The following ATE1 variants were observed in gnomAD, a reference collection of about 807,000 sequenced individuals.
ATE1 encodes the protein arginyltransferase 1.
In ATE1, 36 loss-of-function variants were observed where a neutral mutation model predicts 70.5. The ratio of observed to expected loss-of-function variants is 0.51; its 90% CI spans 0.39 to 0.67. ATE1 has a LOEUF of 0.67. ATE1 is among the 30% of genes least tolerant of loss of function. The pLI, the probability that ATE1 is intolerant of heterozygous loss-of-function variation, is 0.00. For synonymous variants in ATE1, 232 were observed against 219.3 expected (o/e 1.06, Z -0.51); for missense variants, 593 against 629.5 (o/e 0.94, Z 0.62).
chr10:121,871,774 G>A (rs1034059298), intron 7 of ATE1, among the ~76,000 whole-genome samples: 1 of 151,952 alleles, frequency 6.6e-6, no homozygotes, highest in Non-Finnish European at 1.5e-5. Context: ...CAAACAGTAA[G>A]AATTTTTTCT....
intron 3 of ATE1, among the ~76,000 whole-genome samples, chr10:121,917,174 A>G (rs1951694682): frequency 6.6e-6 from 1 of 152,086 alleles, no homozygotes; most frequent in Non-Finnish European, 1.5e-5. Flanking sequence ...AAAAAAAAAA[A>G]TAGCCCAGGC....
At chr10:121,867,878 T>C (rs1445565369) in intron 8 of ATE1, among the ~76,000 whole-genome samples, 2 of 152,248 alleles carry the variant, frequency 1.3e-5, no homozygotes, top group Non-Finnish European at 2.9e-5. Flanking sequence ...TGTCATAATT[T>C]ATTTGACGTG....
chr10:121,897,435 C>G (rs899146229), intron 7 of ATE1, among the ~76,000 whole-genome samples: 5 of 152,166 alleles, frequency 3.3e-5, no homozygotes, highest in African/African-American at 1.2e-4. Flanking sequence ...TTACTATCTG[C>G]AAATGCTATC....
chr10:121,777,973 T>C (rs1188950328), intron 11 of ATE1, among the ~76,000 whole-genome samples: 4 of 152,236 alleles, frequency 2.6e-5, no homozygotes, highest in African/African-American at 9.6e-5. Context: ...TTGCAAGACT[T>C]ATACATTGAA....
chr10:121,823,126 T>TA (rs1001183559), intron 10 of ATE1, among the ~76,000 whole-genome samples: 1 of 151,878 alleles, frequency 6.6e-6, no homozygotes, highest in African/African-American at 2.4e-5. Context: ...CCATCTCTAC[T>TA]AAAAATACAA....
intron 8 of ATE1, among the ~76,000 whole-genome samples, chr10:121,846,139 A>AAAC (rs1564889572): frequency 1.4e-5 from 2 of 146,992 alleles, no homozygotes; most frequent in Non-Finnish European, 3.0e-5. Flanking sequence ...AAAAAAAAAA[A>AAAC]ACCCAAAACC....
chr10:121,757,002 T>C (rs1432732255), intron 11 of ATE1, among the ~76,000 whole-genome samples: 1 of 152,212 alleles, frequency 6.6e-6, no homozygotes, highest in African/African-American at 2.4e-5. Flanking sequence ...CTGCAAATTT[T>C]CCAAACTTTT....
At chr10:121,861,388 G>A (rs17102691) in intron 8 of ATE1, among the ~76,000 whole-genome samples, 4,997 of 151,856 alleles carry the variant, frequency 0.033, 149 homozygotes, top group African/African-American at 0.082. Flanking sequence ...ACTTCCAGTT[G>A]ATATCATGAG....
At chr10:121,776,496 G>A (rs61512341) in intron 11 of ATE1, among the ~76,000 whole-genome samples, 165 of 152,240 alleles carry the variant, frequency 1.1e-3, no homozygotes, top group African/African-American at 3.7e-3. Flanking sequence ...TACCACTGCC[G>A]TATCACTAAA....
chr10:121,801,428 C>G (rs1365815267), intron 10 of ATE1, among the ~76,000 whole-genome samples: 1 of 152,030 alleles, frequency 6.6e-6, no homozygotes, highest in East Asian at 1.9e-4. Context: ...GACAAAGAAA[C>G]CTTGTGAAGC....
chr10:121,792,493 C>T (rs887857976), intron 10 of ATE1, among the ~76,000 whole-genome samples: 4 of 152,202 alleles, frequency 2.6e-5, no homozygotes, highest in African/African-American at 9.7e-5. Context: ...CTGTTGCTGC[C>T]TCACTGCCCT....
Position 121,909,708 on chromosome 10 carries a change from C to T in ATE1, c.583+1198G>A, listed in dbSNP as rs1198124408. Among the ~76,000 whole-genome samples the T allele has an allele frequency of 3.3e-5, 5 of 152,152 alleles. 1 individual carries two copies. In the South Asian group the frequency reaches 8.3e-4, roughly 25 times the overall value. On this transcript the variant is annotated intron_variant, in intron 5 of 11. Transcript: ENST00000224652. ...AAATAATAAAAGAATTGACCCTACC[C>T]CCCAGAGAGAAATAGTTGAAAGAAA...
At chr10:121,896,449 C>T (rs73364468) in intron 7 of ATE1, among the ~76,000 whole-genome samples, 1 of 152,106 alleles carries the variant, frequency 6.6e-6, no homozygotes, top group African/African-American at 2.4e-5. Flanking sequence ...ATAGGTATGT[C>T]GCAGTTTAAG....
intron 8 of ATE1, among the ~76,000 whole-genome samples, chr10:121,867,710 CTTAAA>C (rs1478010056): frequency 6.6e-6 from 1 of 152,142 alleles, no homozygotes; most frequent in East Asian, 1.9e-4. Flanking sequence ...TTTCTGTGCA[CTTAAA>C]TTGTGTTTAA....
At chr10:121,905,310 A>T (rs1419627712) in intron 5 of ATE1, among the ~76,000 whole-genome samples, 2 of 152,228 alleles carry the variant, frequency 1.3e-5, no homozygotes, top group East Asian at 3.8e-4. Context: ...TAAACATTCC[A>T]TAAATAGTAA....
At chr10:121,850,667 C>A (rs941019079) in intron 8 of ATE1, among the ~76,000 whole-genome samples, 1 of 152,178 alleles carries the variant, frequency 6.6e-6, no homozygotes, top group Admixed American at 6.5e-5. Context: ...GAGGAGCCTG[C>A]CAACTGTAAG....
At chr10:121,792,746 T>C (rs1946505196) in intron 10 of ATE1, among the ~76,000 whole-genome samples, 1 of 152,210 alleles carries the variant, frequency 6.6e-6, no homozygotes, top group Non-Finnish European at 1.5e-5. Flanking sequence ...GCTGTGCTTC[T>C]AAGTCTGTTT....
chr10:121,763,996 C>A (rs1409023311), intron 11 of ATE1, among the ~76,000 whole-genome samples: 1 of 152,100 alleles, frequency 6.6e-6, no homozygotes, highest in African/African-American at 2.4e-5. Context: ...AGCGACACAG[C>A]AAGACCCTGT....
intron 3 of ATE1, among the ~76,000 whole-genome samples, chr10:121,922,071 C>T (rs953775224): frequency 1.3e-5 from 2 of 152,120 alleles, no homozygotes; most frequent in Non-Finnish European, 1.5e-5. Flanking sequence ...CCAACATTTT[C>T]CCAATATTTC....
Sources: gnomAD v4.1 joint callset for allele counts (sites outside exome capture counted in the v4.1 genomes callset) on GRCh38, gnomAD v4.1.1 for gene constraint, MANE v1.5 for transcripts, NCBI Gene and HGNC (gene_info 2026-07-23, HGNC 2026-07-21) for gene names.